Variants in PID1 observed in about 807,000 individuals in gnomAD.
PID1 encodes the protein phosphotyrosine interaction domain containing 1.
Under a neutral mutation model 19.1 loss-of-function variants are expected in PID1, and 10 were observed. The observed-to-expected ratio is 0.52, with a 90% CI of 0.32 to 0.89. The LOEUF is 0.89. Ranked by LOEUF, PID1 falls within the 40% of genes least tolerant of loss-of-function variation. The pLI is 0.03. For missense variants in PID1, 248 were observed against 285.3 expected, an observed-to-expected ratio of 0.87 and a Z score of 0.94; for synonymous variants, 130 against 116.0, an observed-to-expected ratio of 1.12 and a Z score of -0.78.
chr2:229,159,568 T>C (rs1690451232), intron 1 of PID1, among the ~76,000 whole-genome samples: 1 of 152,192 alleles, frequency 6.6e-6, no homozygotes, highest in Admixed American at 6.5e-5. Context: ...TTTGCAGTTT[T>C]GGACTTTTCT....
chr2:229,140,281 C>T (rs1174872376), intron 2 of PID1, among the ~76,000 whole-genome samples: 1 of 152,084 alleles, frequency 6.6e-6, no homozygotes, highest in Non-Finnish European at 1.5e-5. Flanking sequence ...ATCAGTGTCA[C>T]ATACAGAATT....
In PID1 at chr2:229,201,391, T is replaced by C. The variant is rs903066162; in HGVS notation, c.31-45427A>G. 3.3e-5 allele frequency among the ~76,000 whole-genome samples: 5 copies of C among 152,200 alleles called. No individual in the cohort carries two copies. The South Asian group carries it at 1.0e-3, about 32-fold the overall frequency. On this transcript the variant is annotated intron_variant, in intron 1 of 2. Transcript: ENST00000392055. ...ACACATACTTGTTCTTTTGTGACTG[T>C]CTTCTTTATTTCCCTTAGCATAATG... is the stretch of plus-strand genomic sequence containing the variant.
chr2:229,197,778 C>T (rs764811628), intron 1 of PID1, among the ~76,000 whole-genome samples: 12 of 151,816 alleles, frequency 7.9e-5, no homozygotes, highest in Non-Finnish European at 1.3e-4. Context: ...AATACCTTAC[C>T]GAGGCTGTAT....
chr2:229,214,252 A>G (rs1691797864), intron 1 of PID1, among the ~76,000 whole-genome samples: 1 of 146,578 alleles, frequency 6.8e-6, no homozygotes, highest in Non-Finnish European at 1.5e-5. Context: ...CAAGTGGTAG[A>G]GCAAAGATCT....
chr2:229,233,460 C>T (rs1268673801), intron 1 of PID1, among the ~76,000 whole-genome samples: 1 of 149,586 alleles, frequency 6.7e-6, no homozygotes, highest in Non-Finnish European at 1.5e-5. Context: ...GTCTTGAAAT[C>T]CAGGTAACTG....
At chr2:229,129,722 A>T (rs945363904) in intron 2 of PID1, among the ~76,000 whole-genome samples, 1 of 152,130 alleles carries the variant, frequency 6.6e-6, no homozygotes, top group East Asian at 1.9e-4. Flanking sequence ...CATATTAGTC[A>T]TGGTTTCTTC....
intron 1 of PID1, among the ~76,000 whole-genome samples, chr2:229,188,510 G>A (rs1691182621): frequency 6.6e-6 from 1 of 152,056 alleles, no homozygotes; most frequent in Non-Finnish European, 1.5e-5. Context: ...GGCTGAGGCG[G>A]GTGGATCACC....
intron 1 of PID1, among the ~76,000 whole-genome samples, chr2:229,175,796 G>A (rs570726145): frequency 1.8e-4 from 28 of 152,292 alleles, no homozygotes; most frequent in Non-Finnish European, 3.4e-4. Context: ...CTCTTTTGCT[G>A]TAAAACAAAG....
At chr2:229,182,221 G>A (rs1283830402) in intron 1 of PID1, among the ~76,000 whole-genome samples, 1 of 152,066 alleles carries the variant, frequency 6.6e-6, no homozygotes, top group Admixed American at 6.6e-5. Flanking sequence ...TGTTAATGAT[G>A]TATCAGTGCA....
intron 1 of PID1, among the ~76,000 whole-genome samples, chr2:229,239,642 C>T (rs911155886): frequency 3.9e-5 from 6 of 152,084 alleles, no homozygotes; most frequent in African/African-American, 1.4e-4. Context: ...TCTTAAGCTC[C>T]ATTTTCTAAT....
chr2:229,032,881 T>C (rs1434282399), intron 2 of PID1, among the ~76,000 whole-genome samples: 1 of 152,064 alleles, frequency 6.6e-6, no homozygotes, highest in Admixed American at 6.5e-5. Context: ...TGTGAAAATA[T>C]AGAGAGGCTG....
intron 1 of PID1, among the ~76,000 whole-genome samples, chr2:229,163,392 A>G (rs11900642): frequency 0.3 from 45,071 of 152,110 alleles, 7,207 homozygotes; most frequent in Non-Finnish European, 0.37. Context: ...AATCCTTATA[A>G]ATTTAAAAGG....
intron 1 of PID1, among the ~76,000 whole-genome samples, chr2:229,220,295 T>C (rs769518654): frequency 6.6e-6 from 1 of 152,156 alleles, no homozygotes; most frequent in Non-Finnish European, 1.5e-5. Context: ...GGGTGACTTG[T>C]CTAGAACTAG....
intron 1 of PID1, among the ~76,000 whole-genome samples, chr2:229,265,148 T>C (rs1001058441): frequency 1.3e-5 from 2 of 152,228 alleles, no homozygotes; most frequent in Non-Finnish European, 2.9e-5. Context: ...CGTTATTTTT[T>C]TTTTACCCAA....
intron 2 of PID1, among the ~76,000 whole-genome samples, chr2:229,043,096 C>A (rs960393182): frequency 1.4e-4 from 21 of 151,482 alleles, no homozygotes; most frequent in African/African-American, 5.1e-4. Context: ...ACCTCCAATT[C>A]CTGGGTTCAA....
At chr2:229,227,467 C>A (rs1349806363) in intron 1 of PID1, among the ~76,000 whole-genome samples, 1 of 152,198 alleles carries the variant, frequency 6.6e-6, no homozygotes, top group Non-Finnish European at 1.5e-5. Context: ...CCAGCTATCA[C>A]AATTTACTGA....
chr2:229,224,655 T>C (rs1308437241), intron 1 of PID1, among the ~76,000 whole-genome samples: 1 of 152,078 alleles, frequency 6.6e-6, no homozygotes, highest in Non-Finnish European at 1.5e-5. Context: ...TGGACAAAAT[T>C]AAAAATAGCG....
chr2:229,169,471 T>C (rs1392155128), intron 1 of PID1, among the ~76,000 whole-genome samples: 1 of 152,242 alleles, frequency 6.6e-6, no homozygotes, highest in Non-Finnish European at 1.5e-5. Context: ...TTCTCTAGCT[T>C]CCTACATCCT....
At chr2:229,048,449 A>G (rs1693926797) in intron 2 of PID1, among the ~76,000 whole-genome samples, 1 of 152,154 alleles carries the variant, frequency 6.6e-6, no homozygotes, top group African/African-American at 2.4e-5. Flanking sequence ...GCTGGCATTT[A>G]TTTTTGCTCT....
Sources: gnomAD v4.1 joint callset for allele counts (sites outside exome capture counted in the v4.1 genomes callset) on GRCh38, gnomAD v4.1.1 for gene constraint, MANE v1.5 for transcripts, NCBI Gene and HGNC (gene_info 2026-07-23, HGNC 2026-07-21) for gene names.